Variants in FBXW10B observed in about 807,000 individuals in gnomAD.
FBXW10B encodes F-box and WD repeat domain containing protein 10B.
chr17:15,605,109 A>G, the FBXW10B span: 25 of 1,509,212 alleles, frequency 1.7e-5, no homozygotes, highest in Middle Eastern at 6.1e-4. Flanking sequence ...TCTAGAAGTC[A>G]GTATCTTCTA....
the FBXW10B span, chr17:15,612,897 G>A: frequency 5.2e-6 from 8 of 1,548,142 alleles, no homozygotes; most frequent in South Asian, 3.6e-5. Context: ...CAGGAGGAAG[G>A]GAAAAACTAG....
the FBXW10B span, among the ~76,000 whole-genome samples, chr17:15,614,246 T>C: frequency 3.3e-5 from 5 of 152,208 alleles, no homozygotes; most frequent in Non-Finnish European, 7.4e-5. Flanking sequence ...TGGAGTGTAG[T>C]GGCGCGATCT....
chr17:15,586,595 G>T, the FBXW10B span, among the ~76,000 whole-genome samples: 1 of 151,608 alleles, frequency 6.6e-6, no homozygotes, highest in Admixed American at 6.6e-5. Context: ...AAGTCCCCTT[G>T]TATACCTCCA....
At chr17:15,599,748 T>A in the FBXW10B span, among the ~76,000 whole-genome samples, 1 of 151,924 alleles carries the variant, frequency 6.6e-6, no homozygotes, top group Non-Finnish European at 1.5e-5. Flanking sequence ...CATTGATGCT[T>A]CCGCTTCAGC....
At chr17:15,570,791 A>C in the FBXW10B span, among the ~76,000 whole-genome samples, 5 of 152,266 alleles carry the variant, frequency 3.3e-5, no homozygotes, top group South Asian at 1.0e-3. Flanking sequence ...CACTTCCAGC[A>C]TGACAACATG....
At chr17:15,594,953 GC>G in the FBXW10B span, 1 of 1,600,562 alleles carries the variant, frequency 6.2e-7, no homozygotes, top group Non-Finnish European at 8.5e-7. Flanking sequence ...CCAAAGCTGA[GC>G]CTTCTTCAGA....
chr17:15,595,178 A>G, the FBXW10B span, among the ~76,000 whole-genome samples: 1 of 152,140 alleles, frequency 6.6e-6, no homozygotes, highest in South Asian at 2.1e-4. Flanking sequence ...TGTCTCTACT[A>G]AAAATACAAA....
chr17:15,570,203 A>G, the FBXW10B span, among the ~76,000 whole-genome samples: 8 of 152,254 alleles, frequency 5.3e-5, no homozygotes, highest in Admixed American at 3.3e-4. Flanking sequence ...ATACCAAAGA[A>G]GGAATACATG....
the FBXW10B span, among the ~76,000 whole-genome samples, chr17:15,604,899 C>A: frequency 6.6e-6 from 1 of 152,354 alleles, no homozygotes; most frequent in South Asian, 2.1e-4. Flanking sequence ...TAAAAAACCA[C>A]GTTCCCCTGA....
chr17:15,595,726 C>T, the FBXW10B span, among the ~76,000 whole-genome samples: 1 of 152,078 alleles, frequency 6.6e-6, no homozygotes, highest in Non-Finnish European at 1.5e-5. Context: ...ATATCAACAC[C>T]ACCCGCTAAG....
the FBXW10B span, among the ~76,000 whole-genome samples, chr17:15,601,797 T>C: frequency 6.6e-6 from 1 of 152,144 alleles, no homozygotes; most frequent in Non-Finnish European, 1.5e-5. Flanking sequence ...TCAAAACTTA[T>C]ATACTATAGC....
At chr17:15,583,857 A>C in the FBXW10B span, among the ~76,000 whole-genome samples, 1 of 151,258 alleles carries the variant, frequency 6.6e-6, no homozygotes, top group Non-Finnish European at 1.5e-5. Flanking sequence ...GTCTTATTTT[A>C]AGGGTTTTTT....
chr17:15,593,027 C>T, the FBXW10B span, among the ~76,000 whole-genome samples: 3 of 141,042 alleles, frequency 2.1e-5, no homozygotes, highest in Non-Finnish European at 4.5e-5. Flanking sequence ...TGCTTGAACC[C>T]GAGAGGCGGA....
At chr17:15,593,238 T>C in the FBXW10B span, 1 of 1,587,732 alleles carries the variant, frequency 6.3e-7, no homozygotes. Context: ...CACTCTCTCC[T>C]CCTGACAGCA....
the FBXW10B span, chr17:15,615,853 G>A: frequency 6.2e-7 from 1 of 1,613,508 alleles, no homozygotes; most frequent in Non-Finnish European, 8.5e-7. Flanking sequence ...TGAAGTGGGT[G>A]TGTTGAGGAA....
the FBXW10B span, chr17:15,588,249 G>A: frequency 6.7e-4 from 107 of 159,826 alleles, 1 homozygote; most frequent in Middle Eastern, 3.4e-3. Flanking sequence ...GTCGGGAACC[G>A]GTAGCATGCT....
At chr17:15,590,174 T>C in the FBXW10B span, among the ~76,000 whole-genome samples, 1 of 151,282 alleles carries the variant, frequency 6.6e-6, no homozygotes, top group Non-Finnish European at 1.5e-5. Flanking sequence ...ATCTCCCACA[T>C]GGGGCTAATA....
At chr17:15,615,050 T>A in the FBXW10B span, among the ~76,000 whole-genome samples, 1 of 152,164 alleles carries the variant, frequency 6.6e-6, no homozygotes, top group Non-Finnish European at 1.5e-5. Context: ...TAGTTTCCTT[T>A]CTGATCTCTA....
chr17:15,591,400 G>C, the FBXW10B span, among the ~76,000 whole-genome samples: 1 of 152,028 alleles, frequency 6.6e-6, no homozygotes, highest in African/African-American at 2.4e-5. Context: ...AGCGATTCTC[G>C]TGCCTCAGCC....
Sources: gnomAD v4.1 joint callset for allele counts (sites outside exome capture counted in the v4.1 genomes callset) on GRCh38, gnomAD v4.1.1 for gene constraint, MANE v1.5 for transcripts, NCBI Gene and HGNC (gene_info 2026-07-23, HGNC 2026-07-21) for gene names.